The following CLEC4F variants were observed in gnomAD, a reference collection of about 807,000 sequenced individuals.
CLEC4F encodes the protein C-type (calcium dependent, carbohydrate-recognition domain) lectin, superfamily member 13.
A neutral mutation model predicts 53.4 loss-of-function variants in CLEC4F; 45 were observed. That is an observed-to-expected ratio of 0.84 (90% confidence interval 0.66 to 1.08). CLEC4F has a LOEUF of 1.08. Among genes scored for constraint, CLEC4F ranks in the 50% least tolerant of loss-of-function variants. The pLI is 0.00. For synonymous variants in CLEC4F, 245 were observed against 257.5 expected (o/e 0.95, Z 0.46); for missense variants, 753 against 698.2 (o/e 1.08, Z -0.88).
At position 70,809,788 on chromosome 2, in the gene CLEC4F, AGCCC is replaced by A; in HGVS notation, c.1605_1608del (p.Glu535AspfsTer33). On this transcript the variant is annotated frameshift_variant, in exon 6 of 7. Coordinates refer to ENST00000272367, the MANE Select transcript of CLEC4F (RefSeq NM_173535.3). LOFTEE classifies it low-confidence loss of function (END_TRUNC). ...GGTGTCCCATCTGTCCAGCGCCAGG[AGCCC>A]TCTGTGCCCCTGTCAGTGAGACCGA... The A allele has an allele frequency of 6.2e-7, 1 of 1,614,144 alleles. No individual in the cohort carries two copies. The highest frequency in any genetic ancestry group is 1.1e-5 in the South Asian group (1 of 91,088).
At chr2:70,810,461 ATACAAAAAT>A (rs1553393922) in intron 5 of CLEC4F, among the ~76,000 whole-genome samples, 1 of 151,936 alleles carries the variant, frequency 6.6e-6, no homozygotes, top group Non-Finnish European at 1.5e-5. Flanking sequence ...TCTACTAAAA[ATACAAAAAT>A]TAGCTGGGCA....
In CLEC4F at chr2:70,809,101, A is replaced by G. The variant is rs1290428060; in HGVS notation, c.*170T>C. 6.5e-7 allele frequency: 1 copy of G among 1,549,764 alleles called. No homozygotes were observed. The highest frequency in any genetic ancestry group is 8.7e-7 in the Non-Finnish European group (1 of 1,146,998). On this transcript the variant is annotated 3_prime_UTR_variant, in exon 7 of 7. Transcript: ENST00000272367. Reference sequence around the variant, plus strand: ...AAACCCGAAGACAACAGGGCTTTATACTGTTAGATGAAGGCAGCATCCCTT... The same window carrying G: ...AAACCCGAAGACAACAGGGCTTTATGCTGTTAGATGAAGGCAGCATCCCTT...
At chr2:70,821,998 A>G (rs6749945), upstream of CLEC4F, among the ~76,000 whole-genome samples, 92,780 of 151,782 alleles carry the variant, frequency 0.61, 28,843 homozygotes, top group Middle Eastern at 0.71. Context: ...GCTTCAAGTG[A>G]TCCTCCCACC....
chr2:70,811,637 G>A (rs967997348), intron 5 of CLEC4F, among the ~76,000 whole-genome samples: 8 of 152,170 alleles, frequency 5.3e-5, no homozygotes, highest in Non-Finnish European at 1.0e-4. Context: ...AGTAATCCTG[G>A]CAAGTTCTGA....
At chr2:70,809,566 T>G (rs1676427652) in intron 6 of CLEC4F, among the ~76,000 whole-genome samples, 173 bp downstream of exon 6, 1 of 151,932 alleles carries the variant, frequency 6.6e-6, no homozygotes, top group African/African-American at 2.4e-5. Flanking sequence ...ACCACATGCA[T>G]TACACATGCC....
chr2:70,816,382 C>T lies in CLEC4F; in HGVS notation c.999G>A (p.Val333=). The T allele has an allele frequency of 1.9e-6, 3 of 1,613,858 alleles. No homozygotes were observed. The highest frequency in any genetic ancestry group is 2.5e-6 in the Non-Finnish European group (3 of 1,179,952). Residue 333 remains valine (V), a synonymous_variant, in exon 4 of 7, where the codon GTG becomes GTA. Transcript: ENST00000272367. The stretch of plus-strand genomic sequence containing the variant: ...TGACCATTTTCAAATCCCTTTTTAA[C>T]ACGTGAATTTCATCACCAGCTCTTT... The part of the protein sequence containing the change: ...HLERAGDEIH[V]LKRDLKMVTA...
chr2:70,817,023 C>T lies in CLEC4F; in HGVS notation c.358G>A (p.Glu120Lys). 1 of 1,614,170 alleles carries T rather than the reference C, an allele frequency of 6.2e-7. No individual in the cohort carries two copies. The highest frequency in any genetic ancestry group is 8.5e-7 in the Non-Finnish European group (1 of 1,180,034). ...ACTCTGCACTTCAACATCTGGATTT[C>T]TACTACCCAGGCACTGGAATTCTCC... ...HMENSSAWVV[E>K]IQMLKCRVDN... is the part of the protein sequence containing the mutation. The change falls in exon 4 of 7, where the codon GAA becomes AAA. Residue 120 changes from glutamate to lysine, a missense_variant. By Grantham distance (56) the Glu-to-Lys change is moderately conservative (BLOSUM62 1). Coordinates refer to ENST00000272367, the MANE Select transcript of CLEC4F (RefSeq NM_173535.3).
rs1328707283 is a variant in CLEC4F, at chr2:70,820,445, G to A, written c.61+18C>T. 6.4e-7 allele frequency: 1 copy of A among 1,572,196 alleles called. No homozygotes were observed. Among genetic ancestry groups the A allele is most frequent in the Non-Finnish European group, 8.6e-7 (1 of 1,156,844 alleles). On this transcript the variant is annotated intron_variant, in intron 1 of 6. Transcript: ENST00000272367. ...CTACTCCCTCACTGGGCAAGAGCTG[G>A]GGCCCCAGTTTTCTCACCTTGGGGG...
At chr2:70,813,838 G>T (rs1257412899) in intron 4 of CLEC4F, among the ~76,000 whole-genome samples, 1 of 151,702 alleles carries the variant, frequency 6.6e-6, no homozygotes, top group East Asian at 1.9e-4. Flanking sequence ...CACCATGCCC[G>T]GATATTTTTT....
At position 70,817,031 on chromosome 2, in the gene CLEC4F, C is replaced by T. The variant is rs1166024984; in HGVS notation, c.350G>A (p.Trp117Ter). Reference sequence around the variant, plus strand: ...CTTCAACATCTGGATTTCTACTACCCAGGCACTGGAATTCTCCATGTGGCC... The same window carrying T: ...CTTCAACATCTGGATTTCTACTACCTAGGCACTGGAATTCTCCATGTGGCC... ...FKGHMENSSA[W>*]VVEIQMLKCR... Residue 117 changes from tryptophan (W) to a stop codon, truncating the protein, a stop_gained, in exon 4 of 7, where the codon TGG (tryptophan) becomes TAG (stop). Coordinates refer to ENST00000272367, the MANE Select transcript of CLEC4F (RefSeq NM_173535.3). LOFTEE classifies it high-confidence loss of function. The T allele has an allele frequency of 6.2e-7, 1 of 1,614,038 alleles. No homozygotes were observed. The highest frequency in any genetic ancestry group is 1.7e-5 in the Admixed American group (1 of 60,010).
At chr2:70,811,917 T>A (rs116363971) in intron 5 of CLEC4F, among the ~76,000 whole-genome samples, 2,289 of 152,044 alleles carry the variant, frequency 0.015, 57 homozygotes, top group African/African-American at 0.052. Context: ...ACAAAAAAAA[T>A]ACTCCCCAAA....
chr2:70,818,728 T>A (rs1375330373), intron 3 of CLEC4F, among the ~76,000 whole-genome samples: 2 of 151,134 alleles, frequency 1.3e-5, no homozygotes, highest in Non-Finnish European at 1.5e-5. Flanking sequence ...AAACAAAAAC[T>A]AAAACTAAAA....
chr2:70,819,553 A>T (rs1387690430), intron 2 of CLEC4F, 109 bp from the exon 3 acceptor site: 4 of 1,068,406 alleles, frequency 3.7e-6, no homozygotes, highest in Non-Finnish European at 5.7e-6. Context: ...AGCAGCAAAG[A>T]CCCTCCCAGG....
rs782211960 is a variant in CLEC4F, at chr2:70,809,836, T to C, written c.1561A>G (p.Ser521Gly). 6.2e-6 allele frequency: 10 copies of C among 1,612,798 alleles called. No homozygotes were observed. The highest frequency in any genetic ancestry group is 3.3e-5 in the Admixed American group (2 of 60,008). Reference protein sequence around the residue: ...EEQAFLVEFTSKVYYWIGLTD... With the variant: ...EEQAFLVEFTGKVYYWIGLTD... Reference sequence around the variant, plus strand: ...AGACCGATCCAGTAGTACACTTTACTTGTGAACTCTACCAGAAATGCCTGC... The same window carrying C: ...AGACCGATCCAGTAGTACACTTTACCTGTGAACTCTACCAGAAATGCCTGC... The change falls in exon 6 of 7, where the codon AGT becomes GGT. Residue 521 changes from serine (S) to glycine (G), a missense_variant. By Grantham distance (56) the Ser-to-Gly change is moderately conservative. Transcript: ENST00000272367.
chr2:70,816,238 A>G lies in CLEC4F; in HGVS notation c.1143T>C (p.Gly381=). 6.2e-7 allele frequency: 1 copy of G among 1,614,098 alleles called. No homozygotes were observed. The highest frequency in any genetic ancestry group is 8.5e-7 in the Non-Finnish European group (1 of 1,180,022). ...TLNAQIQVLN[G]HMKNASREIQ... is the part of the protein sequence containing the mutation. ...TCTCTCTGCTGGCATTTTTCATATG[A>G]CCATTTAAGACCTGAATCTGGGCAT... The change falls in exon 4 of 7, where the codon GGT becomes GGC. Residue 381 remains glycine, a synonymous_variant. Coordinates refer to ENST00000272367, the MANE Select transcript of CLEC4F (RefSeq NM_173535.3).
upstream of CLEC4F, among the ~76,000 whole-genome samples, chr2:70,824,576 C>G (rs2104691509): frequency 7.8e-6 from 1 of 128,874 alleles, no homozygotes; most frequent in Middle Eastern, 5.4e-3. Flanking sequence ...TCAAGATGAG[C>G]CTGGAGCATC....
chr2:70,820,597 A>C lies in CLEC4F; in HGVS notation c.-74T>G. ...AAGGGCCGTCCCGTGGACCAATGGC[A>C]GTGGAAGCAAAGCTGAGACACCCAC... On this transcript the variant is annotated 5_prime_UTR_variant, in exon 1 of 7. Coordinates refer to ENST00000272367, the MANE Select transcript of CLEC4F (RefSeq NM_173535.3). 6.9e-7 allele frequency: 1 copy of C among 1,439,572 alleles called. No individual in the cohort carries two copies. The highest frequency in any genetic ancestry group is 9.5e-7 in the Non-Finnish European group (1 of 1,057,730). 89.2% of individuals were successfully genotyped at this position (1,439,572 alleles called of 1,614,324 possible). A position where few individuals can be genotyped will look rare whatever the true frequency, so the allele number is the denominator to read the frequency against.
Position 70,816,790 on chromosome 2 carries a change from C to T in CLEC4F, c.591G>A (p.Thr197=), listed in dbSNP as rs782222504. ...CTAAACTGCTTTTTAAGAAATTCAG[C>T]GTCTGGAAAGTTAAAGCATCTGCCT... ...LEKADALTFQ[T]LNFLKSSLEN... Residue 197 remains threonine, a synonymous_variant, in exon 4 of 7, where the codon ACG becomes ACA. Transcript: ENST00000272367. The T allele has an allele frequency of 1.4e-5, 22 of 1,613,934 alleles. No homozygotes were observed. The highest frequency in any genetic ancestry group is 9.3e-5 in the African/African-American group (7 of 74,870).
chr2:70,821,864 C>G (rs1405791311), upstream of CLEC4F, among the ~76,000 whole-genome samples: 1 of 152,178 alleles, frequency 6.6e-6, no homozygotes, highest in Non-Finnish European at 1.5e-5. Context: ...TCTGTCACAT[C>G]CAGCATAACC....
Sources: allele counts gnomAD v4.1 joint callset (sites outside exome capture counted in the v4.1 genomes callset), GRCh38; gene constraint gnomAD v4.1.1; transcripts MANE v1.5; gene names NCBI Gene and HGNC (gene_info 2026-07-23, HGNC 2026-07-21).